Variants in KLF8 observed in about 807,000 individuals in gnomAD.
The protein encoded by KLF8 is Krueppel-like factor 8.
KLF8 carries 10 observed loss-of-function variants against 18.2 expected under a neutral mutation model. That is an observed-to-expected ratio of 0.55 (90% CI 0.34 to 0.93). The LOEUF (loss-of-function observed/expected upper bound fraction) is 0.93, where lower values mean the gene tolerates loss of function less well. KLF8 is among the 40% of genes least tolerant of loss of function. KLF8 has a pLI of 0.02. For synonymous variants in KLF8, 109 were observed against 97.3 expected, an observed-to-expected ratio of 1.12 and a Z score of -0.71; for missense variants, 264 against 277.9, an observed-to-expected ratio of 0.95 and a Z score of 0.36.
the KLF8 span, among the ~76,000 whole-genome samples, chrX:55,917,449 G>A: frequency 8.9e-6 from 1 of 111,821 alleles, no homozygotes; most frequent in African/African-American, 3.3e-5. Context: ...CATTTATTGA[G>A]CAATTACTAA....
At chrX:56,049,378 A>G in the KLF8 span, among the ~76,000 whole-genome samples, 2 of 111,408 alleles carry the variant, frequency 1.8e-5, no homozygotes, top group African/African-American at 3.3e-5. Context: ...GTTTTTGTCC[A>G]TTCAGTATGA....
chrX:55,978,130 CT>C, the KLF8 span, among the ~76,000 whole-genome samples: 1 of 110,753 alleles, frequency 9.0e-6, no homozygotes, highest in Admixed American at 9.7e-5. Context: ...TTTCCCTCTC[CT>C]TTTTCTCCTT....
intron 5 of KLF8, among the ~76,000 whole-genome samples, chrX:56,277,853 A>G (rs982417694): frequency 1.8e-5 from 2 of 112,444 alleles, no homozygotes; most frequent in Non-Finnish European, 3.8e-5. Flanking sequence ...CTGAATTGGC[A>G]CTCAAACCAT....
chrX:55,943,796 T>C, the KLF8 span, among the ~76,000 whole-genome samples: 4 of 112,446 alleles, frequency 3.6e-5, no homozygotes, highest in African/African-American at 6.4e-5. Context: ...TTTGCAGCTG[T>C]CTGCTTTCCC....
chrX:56,062,735 C>T, the KLF8 span, among the ~76,000 whole-genome samples: 1 of 111,224 alleles, frequency 9.0e-6, no homozygotes, highest in Admixed American at 9.5e-5. Context: ...GGAAGTTCTC[C>T]TGGATAATAT....
chrX:56,192,277 T>C, the KLF8 span, among the ~76,000 whole-genome samples: 1 of 111,447 alleles, frequency 9.0e-6, no homozygotes, highest in Non-Finnish European at 1.9e-5. Flanking sequence ...AGAAATAAAA[T>C]ATCTTGACAT....
chrX:55,958,221 A>T, the KLF8 span, among the ~76,000 whole-genome samples: 6 of 111,883 alleles, frequency 5.4e-5, no homozygotes, highest in Admixed American at 5.7e-4. Flanking sequence ...AGAAACGTTG[A>T]ATACCAGCCA....
the KLF8 span, among the ~76,000 whole-genome samples, chrX:56,205,388 T>C: frequency 8.9e-6 from 1 of 112,032 alleles, no homozygotes; most frequent in East Asian, 2.8e-4. Flanking sequence ...TAATAAAATC[T>C]GAACACAGTT....
At chrX:55,941,595 G>A in the KLF8 span, among the ~76,000 whole-genome samples, 1 of 111,696 alleles carries the variant, frequency 9.0e-6, no homozygotes, top group East Asian at 2.8e-4. Flanking sequence ...CCTACAGAAT[G>A]GGAGAAAACT....
chrX:55,986,716 T>C, the KLF8 span, among the ~76,000 whole-genome samples: 2 of 111,981 alleles, frequency 1.8e-5, no homozygotes, highest in African/African-American at 6.5e-5. Context: ...TTATTTTAGG[T>C]TCACAGAGTT....
chrX:56,143,729 T>C, the KLF8 span, among the ~76,000 whole-genome samples: 1 of 112,155 alleles, frequency 8.9e-6, no homozygotes, highest in Non-Finnish European at 1.9e-5. Flanking sequence ...ATGGGTGTTA[T>C]GTATGTCTCT....
At chrX:55,925,218 C>G in the KLF8 span, among the ~76,000 whole-genome samples, 1 of 89,120 alleles carries the variant, frequency 1.1e-5, no homozygotes, top group African/African-American at 4.4e-5. Flanking sequence ...TCCAAGTGTT[C>G]TACCGTAAAT....
chrX:56,126,418 C>G, the KLF8 span, among the ~76,000 whole-genome samples: 1 of 112,275 alleles, frequency 8.9e-6, no homozygotes, highest in East Asian at 2.8e-4. Context: ...CACTCCTCGT[C>G]TATCCTTGCC....
upstream of KLF8, among the ~76,000 whole-genome samples, chrX:56,227,623 G>T (rs909984043): frequency 9.0e-6 from 1 of 111,619 alleles, no homozygotes; most frequent in Non-Finnish European, 1.9e-5. Context: ...GATTACAGGC[G>T]TGAGCCACGG....
the KLF8 span, among the ~76,000 whole-genome samples, chrX:56,033,968 G>C: frequency 8.9e-6 from 1 of 111,969 alleles, no homozygotes; most frequent in Admixed American, 9.4e-5. Flanking sequence ...TCAGATGTTG[G>C]CTTGCAAATA....
At chrX:56,018,895 G>T in the KLF8 span, among the ~76,000 whole-genome samples, 1 of 110,777 alleles carries the variant, frequency 9.0e-6, no homozygotes, top group Non-Finnish European at 1.9e-5. Context: ...CTTTCAAGCT[G>T]TAGGAATCTG....
At chrX:56,158,702 T>A in the KLF8 span, among the ~76,000 whole-genome samples, 1 of 112,190 alleles carries the variant, frequency 8.9e-6, no homozygotes, top group East Asian at 2.8e-4. Flanking sequence ...GTTATTGGTG[T>A]ATAAAAATGC....
At chrX:56,025,105 T>TA in the KLF8 span, among the ~76,000 whole-genome samples, 1 of 112,354 alleles carries the variant, frequency 8.9e-6, no homozygotes, top group Non-Finnish European at 1.9e-5. Context: ...GATCTCCTGT[T>TA]ACAGTTCCTC....
chrX:56,182,880 A>G, the KLF8 span, among the ~76,000 whole-genome samples: 1 of 112,166 alleles, frequency 8.9e-6, no homozygotes, highest in Non-Finnish European at 1.9e-5. Flanking sequence ...GTCAGCTCAT[A>G]CTGGGAAGTG....
Sources: gnomAD v4.1 joint callset for allele counts (sites outside exome capture counted in the v4.1 genomes callset) on GRCh38, gnomAD v4.1.1 for gene constraint, MANE v1.5 for transcripts, NCBI Gene and HGNC (gene_info 2026-07-23, HGNC 2026-07-21) for gene names.